HEATR4: variants seen among roughly 807,000 people sequenced by gnomAD.
HEATR4 encodes the protein HEAT repeat containing 4.
Under a neutral mutation model 108.8 loss-of-function variants are expected in HEATR4, and 95 were observed. The observed-to-expected ratio is 0.87, with a 90% CI of 0.74 to 1.04. The LOEUF (loss-of-function observed/expected upper bound fraction) is 1.04, where lower values mean the gene tolerates loss of function less well. Among genes scored for constraint, HEATR4 ranks in the 50% least tolerant of loss-of-function variants. The pLI, the probability that HEATR4 is intolerant of heterozygous loss-of-function variation, is 0.00. For synonymous variants in HEATR4, 443 were observed against 459.4 expected (o/e 0.96, Z 0.46); for missense variants, 1,152 against 1,253.8 (o/e 0.92, Z 1.23).
At chr14:73,571,794 G>T in the HEATR4 span, 3 of 152,030 alleles carry the variant, frequency 2.0e-5, no homozygotes, top group African/African-American at 4.8e-5. Flanking sequence ...CTTTGAATTC[G>T]CACAGTATGT....
At chr14:73,619,858 G>C in the HEATR4 span, 3 of 1,542,476 alleles carry the variant, frequency 1.9e-6, no homozygotes, top group Non-Finnish European at 1.7e-6. Context: ...CCACAGACCA[G>C]ATACCATTAA....
At chr14:73,561,375 GAAAGAAAAAA>G (rs903633623), upstream of HEATR4, among the ~76,000 whole-genome samples, 1 of 148,180 alleles carries the variant, frequency 6.7e-6, no homozygotes, top group African/African-American at 2.5e-5. Flanking sequence ...CAAAAAAAAA[GAAAGAAAAAA>G]AAAGAAAAAG....
At chr14:73,570,976 C>CTT in the HEATR4 span, among the ~76,000 whole-genome samples, 1,435 of 74,304 alleles carry the variant, frequency 0.019, 26 homozygotes, top group African/African-American at 0.07. Context: ...TAGGAAGCCA[C>CTT]TTTTTTTTTT....
the HEATR4 span, among the ~76,000 whole-genome samples, chr14:73,622,779 G>A: frequency 6.6e-6 from 1 of 152,090 alleles, no homozygotes; most frequent in Non-Finnish European, 1.5e-5. Flanking sequence ...GCAGAAGGGA[G>A]AAAGAGAAAA....
the HEATR4 span, among the ~76,000 whole-genome samples, chr14:73,589,584 A>G: frequency 0.2 from 30,962 of 152,034 alleles, 5,848 homozygotes; most frequent in African/African-American, 0.5. Flanking sequence ...CTCCCACAGC[A>G]CTGAGATTAC....
the HEATR4 span, among the ~76,000 whole-genome samples, chr14:73,589,747 G>C: frequency 6.6e-6 from 1 of 152,190 alleles, no homozygotes; most frequent in Non-Finnish European, 1.5e-5. Flanking sequence ...CAACAACGAA[G>C]CCACAGACCC....
At chr14:73,595,430 GA>G in the HEATR4 span, 1 of 1,614,162 alleles carries the variant, frequency 6.2e-7, no homozygotes, top group Non-Finnish European at 8.5e-7. Context: ...CCATGGAAAG[GA>G]AAAACCCCAG....
At position 73,534,421 on chromosome 14, in the gene HEATR4, A is replaced by G. The variant is rs547053748; in HGVS notation, c.-151-4177T>C. On this transcript the variant is annotated intron_variant, in intron 1 of 17. Coordinates refer to ENST00000553558, the MANE Select transcript of HEATR4 (RefSeq NM_001220484.1). Reference sequence around the variant, plus strand: ...TAAAAAAAGAAACATGGCCGAGTGTAGTGGCTCTTGCCTATAATCCCAACA... The same window carrying G: ...TAAAAAAAGAAACATGGCCGAGTGTGGTGGCTCTTGCCTATAATCCCAACA... 2.7e-5 allele frequency among the ~76,000 whole-genome samples: 3 copies of G among 110,636 alleles called. 1 individual carries two copies. Among genetic ancestry groups the G allele is most frequent in the South Asian group, 3.0e-4 (1 of 3,366 alleles). The allele number at this position is 110,636 out of a possible 152,430, so 72.6% of individuals were successfully genotyped here.
At chr14:73,503,883 G>T (rs1018466805) in intron 10 of HEATR4, among the ~76,000 whole-genome samples, 16 of 152,124 alleles carry the variant, frequency 1.1e-4, no homozygotes, top group Admixed American at 9.2e-4. Flanking sequence ...CTTAGCTCCA[G>T]CAATCTGCCA....
At chr14:73,583,179 T>TAAAAATAC in the HEATR4 span, among the ~76,000 whole-genome samples, 1 of 151,826 alleles carries the variant, frequency 6.6e-6, no homozygotes, top group Non-Finnish European at 1.5e-5. Context: ...CCGTCTGTAC[T>TAAAAATAC]AAAAATACAA....
the HEATR4 span, among the ~76,000 whole-genome samples, chr14:73,616,186 G>A: frequency 2.6e-5 from 4 of 152,062 alleles, no homozygotes; most frequent in South Asian, 4.2e-4. Flanking sequence ...CAGGCTGGTC[G>A]TGAATTCCTG....
At chr14:73,601,333 GCGGA>G in the HEATR4 span, among the ~76,000 whole-genome samples, 1,443 of 152,174 alleles carry the variant, frequency 9.5e-3, 17 homozygotes, top group African/African-American at 0.033. Flanking sequence ...GGAGGCTGAG[GCGGA>G]CAGATCACTT....
intron 17 of HEATR4, among the ~76,000 whole-genome samples, chr14:73,485,471 C>G (rs1191941858): frequency 6.6e-6 from 1 of 150,652 alleles, no homozygotes; most frequent in Admixed American, 6.6e-5. Flanking sequence ...GGCGCCATCT[C>G]AGCTCACTGC....
intron 17 of HEATR4, among the ~76,000 whole-genome samples, chr14:73,486,082 G>C (rs1316098660): frequency 6.6e-6 from 1 of 152,110 alleles, no homozygotes; most frequent in Non-Finnish European, 1.5e-5. Flanking sequence ...TCAAAATTTT[G>C]TATTGATGAA....
intron 4 of HEATR4, among the ~76,000 whole-genome samples, chr14:73,519,416 A>G (rs933275247): frequency 6.6e-6 from 1 of 152,016 alleles, no homozygotes; most frequent in Non-Finnish European, 1.5e-5. Context: ...ACCTCATTAG[A>G]GGCCTGGGAG....
the HEATR4 span, among the ~76,000 whole-genome samples, chr14:73,586,462 T>C: frequency 2.0e-5 from 3 of 151,806 alleles, no homozygotes; most frequent in Admixed American, 1.3e-4. Context: ...CCCAGCACTT[T>C]GGGAGGCCAA....
At chr14:73,585,782 A>G in the HEATR4 span, among the ~76,000 whole-genome samples, 6 of 68,066 alleles carry the variant, frequency 8.8e-5, no homozygotes, top group Non-Finnish European at 2.3e-4. Flanking sequence ...GAAGGGAATG[A>G]AAAAAAAAAG....
upstream of HEATR4, among the ~76,000 whole-genome samples, chr14:73,560,305 A>G (rs972915728): frequency 1.3e-5 from 2 of 152,012 alleles, no homozygotes; most frequent in Admixed American, 6.6e-5. Context: ...TTAGCACTTG[A>G]GCTCAAGCTG....
the HEATR4 span, among the ~76,000 whole-genome samples, chr14:73,579,021 C>T: frequency 6.8e-6 from 1 of 146,452 alleles, no homozygotes; most frequent in African/African-American, 2.5e-5. Flanking sequence ...GGATGTGGAG[C>T]TTGCAGTGAG....
Sources: gnomAD v4.1 joint callset for allele counts (sites outside exome capture counted in the v4.1 genomes callset) on GRCh38, gnomAD v4.1.1 for gene constraint, MANE v1.5 for transcripts, NCBI Gene and HGNC (gene_info 2026-07-23, HGNC 2026-07-21) for gene names.